EDC3: variants seen among roughly 807,000 people sequenced by gnomAD.
EDC3 encodes the protein enhancer of mRNA-decapping protein 3.
EDC3 carries 20 observed loss-of-function variants against 41.8 expected under a neutral mutation model. That is an observed-to-expected ratio of 0.48 (90% confidence interval 0.34 to 0.70). The LOEUF (loss-of-function observed/expected upper bound fraction) is 0.70, where lower values mean the gene tolerates loss of function less well. Among genes scored for constraint, EDC3 ranks in the 30% least tolerant of loss-of-function variants. The pLI is 0.01. For missense variants in EDC3, 444 were observed against 636.8 expected (o/e 0.70, Z 3.26); for synonymous variants, 206 against 243.2 (o/e 0.85, Z 1.42).
At chr15:74,660,553 A>T (rs1159639256) in intron 3 of EDC3, among the ~76,000 whole-genome samples, 1 of 151,974 alleles carries the variant, frequency 6.6e-6, no homozygotes, top group Non-Finnish European at 1.5e-5. Flanking sequence ...TCAGGAAGAC[A>T]GAATGGGTAT....
In EDC3 at chr15:74,671,707, C is replaced by T. The variant is rs760420471; in HGVS notation, c.232G>A (p.Asp78Asn). The T allele has an allele frequency of 8.7e-6, 14 of 1,614,060 alleles. No homozygotes were observed. The African/African-American group carries it at 1.5e-4, about 17-fold the overall frequency. The part of the protein sequence containing the change: ...PGPGDNQHFG[D>N]LHQTELGPSG... Reference sequence around the variant, plus strand: ...GGGCCTAATTCTGTTTGATGAAGGTCTCCAAAATGTTGGTTGTCTCCAGGT... The same window carrying T: ...GGGCCTAATTCTGTTTGATGAAGGTTTCCAAAATGTTGGTTGTCTCCAGGT... The change falls in exon 3 of 7, where the codon GAC (aspartate) becomes AAC (asparagine). Residue 78 changes from aspartate to asparagine, a missense_variant. Asp to Asn is a conservative substitution (Grantham distance 23). Transcript: ENST00000315127. This position sits in a 1 kb window ranked among gnomAD's most constrained non-coding sequence, Gnocchi z 4.6.
At chr15:74,668,729 T>TGAATGAAAGAAAGAAA (rs1555455855) in intron 3 of EDC3, among the ~76,000 whole-genome samples, 8 of 140,356 alleles carry the variant, frequency 5.7e-5, no homozygotes, top group South Asian at 4.9e-4. Flanking sequence ...CAAAAATGAA[T>TGAATGAAAGAAAGAAA]GAAAGAAAGA....
intron 1 of EDC3, among the ~76,000 whole-genome samples, chr15:74,678,758 C>T (rs1415233852): frequency 6.6e-6 from 1 of 151,186 alleles, no homozygotes; most frequent in Non-Finnish European, 1.5e-5. Context: ...GGCATGGTGG[C>T]ACGTGCCTGT....
At position 74,655,911 on chromosome 15, in the gene EDC3, G is replaced by A. The variant is rs746940876; in HGVS notation, c.642C>T (p.Asp214=). Residue 214 remains aspartate, a synonymous_variant, in exon 4 of 7, where the codon GAC becomes GAT. Transcript: ENST00000315127. ...CAATCTCCTCAAACACAGCTGCCTT[G>A]TCAAAAAGAGCCAGGTTCCCTTCAA... The part of the protein sequence containing the change: ...FDFEGNLALF[D]KAAVFEEIDT... 1 of 1,614,078 alleles carries A rather than the reference G, an allele frequency of 6.2e-7. No individual in the cohort carries two copies. Among genetic ancestry groups the A allele is most frequent in the South Asian group, 1.1e-5 (1 of 91,070 alleles).
rs2062221505 is a variant in EDC3, at chr15:74,632,403, G to A, written c.*209C>T. 1.6e-6 allele frequency: 1 copy of A among 629,184 alleles called. No homozygotes were observed. The allele number at this position is 629,184 out of a possible 1,614,324, so 39.0% of individuals were successfully genotyped here. On this transcript the variant is annotated 3_prime_UTR_variant, in exon 7 of 7. Transcript: ENST00000315127. The surrounding 1 kb of genome is among the most constrained non-coding windows in gnomAD (Gnocchi z 4.0). The stretch of plus-strand genomic sequence containing the variant: ...GATGCCTGGAGTTGCTGCACGCTCA[G>A]CCTGCCACCCAGCCCGGAACCCAGT...
intron 3 of EDC3, among the ~76,000 whole-genome samples, chr15:74,657,345 A>C (rs1216293962): frequency 6.6e-6 from 1 of 152,012 alleles, no homozygotes; most frequent in African/African-American, 2.4e-5. Context: ...TCACATGTGC[A>C]CTCCCTCCCA....
At chr15:74,651,907 A>C (rs1035942748) in intron 4 of EDC3, among the ~76,000 whole-genome samples, 1 of 152,222 alleles carries the variant, frequency 6.6e-6, no homozygotes, top group African/African-American at 2.4e-5. Flanking sequence ...AGCCTACCTT[A>C]AACCTGCTCA....
chr15:74,673,947 A>G (rs1156901154), intron 2 of EDC3, among the ~76,000 whole-genome samples: 1 of 152,140 alleles, frequency 6.6e-6, no homozygotes, highest in African/African-American at 2.4e-5. Context: ...ACCCTGAGTA[A>G]TTCAATCTTA....
At chr15:74,665,596 C>A (rs2062668822) in intron 3 of EDC3, among the ~76,000 whole-genome samples, 1 of 152,118 alleles carries the variant, frequency 6.6e-6, no homozygotes, top group African/African-American at 2.4e-5. Context: ...GACAAACATT[C>A]TGAATGGTCA....
intron 4 of EDC3, chr15:74,642,611 CTA>C: frequency 6.6e-6 from 1 of 152,224 alleles, no homozygotes; most frequent in Non-Finnish European, 1.5e-5. Context: ...TTTCACTCGT[CTA>C]TGCATTTCTT....
intron 2 of EDC3, chr15:74,674,740 C>A: frequency 3.6e-6 from 2 of 558,564 alleles, no homozygotes; most frequent in South Asian, 4.4e-5. Context: ...ATAGGCCGGG[C>A]ATGGTGGTTC....
At chr15:74,673,312 T>G (rs748020117) in intron 2 of EDC3, among the ~76,000 whole-genome samples, 1 of 152,152 alleles carries the variant, frequency 6.6e-6, no homozygotes, top group Non-Finnish European at 1.5e-5. Flanking sequence ...GGCAACTAAC[T>G]GAACACGAGG....
intron 3 of EDC3, among the ~76,000 whole-genome samples, chr15:74,660,081 A>G (rs1262563086): frequency 1.3e-5 from 2 of 151,106 alleles, no homozygotes; most frequent in Admixed American, 1.3e-4. Flanking sequence ...AGAGAAAGAA[A>G]TATGGATGAG....
In EDC3 at chr15:74,663,237, G is replaced by A. The variant is rs986265148; in HGVS notation, c.485-7169C>T. Among the ~76,000 whole-genome samples the A allele has an allele frequency of 2.3e-4, 35 of 152,076 alleles. 1 individual carries two copies. Among genetic ancestry groups the A allele is most frequent in the African/African-American group, 8.0e-4 (33 of 41,396 alleles). ...CAGGAGGTGGAGGTTGCAGTGAGCC[G>A]AGATGGCGCCACTGCACTCCAGCCT... On this transcript the variant is annotated intron_variant, in intron 3 of 6. Transcript: ENST00000315127.
intron 4 of EDC3, chr15:74,644,643 T>C (rs1396429237): frequency 3.7e-5 from 5 of 135,344 alleles, no homozygotes; most frequent in Non-Finnish European, 8.5e-5. Context: ...ATCTCAGAAC[T>C]TAAAGTGTAC....
chr15:74,687,137 G>A (rs2062947937), intron 1 of EDC3: 1 of 152,098 alleles, frequency 6.6e-6, no homozygotes, highest in Non-Finnish European at 1.5e-5. Flanking sequence ...AGCATCACTT[G>A]AGTCCAGGAA....
At chr15:74,638,239 T>G (rs567425313) in intron 5 of EDC3, 1 of 151,998 alleles carries the variant, frequency 6.6e-6, no homozygotes, top group Admixed American at 6.6e-5. Flanking sequence ...CTTCTCCTTA[T>G]ATGATCTCAT....
chr15:74,672,448 T>C (rs2062750688), intron 2 of EDC3, among the ~76,000 whole-genome samples: 2 of 152,128 alleles, frequency 1.3e-5, no homozygotes, highest in South Asian at 2.1e-4. Flanking sequence ...ATCTGGTATA[T>C]AGAGATGAAA....
At chr15:74,673,191 A>G (rs973475195) in intron 2 of EDC3, among the ~76,000 whole-genome samples, 3 of 152,168 alleles carry the variant, frequency 2.0e-5, no homozygotes, top group Admixed American at 2.0e-4. Context: ...AAGAAAAAAG[A>G]GGCAGTGGTA....
Sources: allele counts gnomAD v4.1 joint callset (sites outside exome capture counted in the v4.1 genomes callset), GRCh38; gene constraint gnomAD v4.1.1; non-coding constraint Gnocchi (gnomAD v3.1); transcripts MANE v1.5; gene names NCBI Gene and HGNC (gene_info 2026-07-23, HGNC 2026-07-21).